The following C2orf42 variants were observed in gnomAD, a reference collection of about 807,000 sequenced individuals.
C2orf42 encodes the protein chromosome 2 open reading frame 42.
C2orf42 carries 44 observed loss-of-function variants against 58.9 expected under a neutral mutation model. The ratio of observed to expected loss-of-function variants is 0.75; its 90% CI spans 0.59 to 0.96. The LOEUF (loss-of-function observed/expected upper bound fraction) is 0.96. Ranked by LOEUF, C2orf42 falls within the 40% of genes least tolerant of loss-of-function variation. The pLI is 0.00. For synonymous variants in C2orf42, 239 were observed against 265.4 expected (o/e 0.90, Z 0.97); for missense variants, 630 against 699.2 (o/e 0.90, Z 1.12).
intron 5 of C2orf42, 129 bp from the exon 6 acceptor site, chr2:70,169,790 G>A (rs933216940): frequency 6.4e-5 from 36 of 558,306 alleles, no homozygotes; most frequent in Non-Finnish European, 8.7e-5. Context: ...ACAGAGGTTC[G>A]CCCTTGTTGC....
At chr2:70,173,632 T>C (rs1673985345) in intron 5 of C2orf42, among the ~76,000 whole-genome samples, 1 of 151,940 alleles carries the variant, frequency 6.6e-6, no homozygotes, top group African/African-American at 2.4e-5. Context: ...TATTCTTTTT[T>C]TTCTTTATTT....
At chr2:70,167,998 C>T (rs985868378) in intron 6 of C2orf42, among the ~76,000 whole-genome samples, 4 of 151,688 alleles carry the variant, frequency 2.6e-5, no homozygotes, top group South Asian at 2.1e-4. Context: ...TTTGGGAGGC[C>T]GAGGTAGGTG....
chr2:70,168,407 C>T (rs1315968198), intron 6 of C2orf42, among the ~76,000 whole-genome samples: 15 of 150,848 alleles, frequency 9.9e-5, no homozygotes, highest in Non-Finnish European at 2.2e-4. Flanking sequence ...CCTGCCTCAG[C>T]CTCCCGAGTA....
chr2:70,158,446 ATTTG>A (rs554294278), intron 9 of C2orf42, among the ~76,000 whole-genome samples: 1,617 of 112,246 alleles, frequency 0.014, 14 homozygotes, highest in Admixed American at 0.016. Flanking sequence ...TTATTTATTT[ATTTG>A]TTTGTTTGTT....
At chr2:70,174,979 C>A (rs1674089889) in intron 5 of C2orf42, among the ~76,000 whole-genome samples, 1 of 152,044 alleles carries the variant, frequency 6.6e-6, no homozygotes, top group African/African-American at 2.4e-5. Flanking sequence ...CCCCAACCCC[C>A]TCTTTAAATC....
intron 7 of C2orf42, 151 bp from the exon 8 acceptor site, chr2:70,165,343 GT>G: frequency 1.6e-6 from 1 of 641,964 alleles, no homozygotes; most frequent in Non-Finnish European, 2.7e-6. Context: ...TATATAAAAG[GT>G]TTTGGTGACA....
chr2:70,166,058 T>C (rs906651710), intron 6 of C2orf42, among the ~76,000 whole-genome samples: 2 of 151,638 alleles, frequency 1.3e-5, no homozygotes, highest in Non-Finnish European at 2.9e-5. Flanking sequence ...GCCTGGCTAA[T>C]TTTTGTATTT....
chr2:70,189,406 CAAAAAAAAAA>C (rs1182514916), intron 1 of C2orf42, among the ~76,000 whole-genome samples: 426 of 27,136 alleles, frequency 0.016, 7 homozygotes, highest in African/African-American at 0.038. Context: ...AACTCCATCT[CAAAAAAAAAA>C]AAAAAAAAAA....
At chr2:70,153,978 G>A (rs374462948) in intron 9 of C2orf42, among the ~76,000 whole-genome samples, 33 of 151,488 alleles carry the variant, frequency 2.2e-4, no homozygotes, top group African/African-American at 8.0e-4. Flanking sequence ...GCTTGAACCC[G>A]GGAGGTGGAG....
At position 70,170,679 on chromosome 2, in the gene C2orf42, G is replaced by A. The variant is rs576949775; in HGVS notation, c.1040-1018C>T. Among the ~76,000 whole-genome samples, 15 of 151,764 alleles carry A rather than the reference G, an allele frequency of 9.9e-5. No individual in the cohort carries two copies. The South Asian group carries it at 2.7e-3, about 27-fold the overall frequency. On this transcript the variant is annotated intron_variant, in intron 5 of 9. Coordinates refer to ENST00000264434, the MANE Select transcript of C2orf42 (RefSeq NM_017880.3). ...TGAGGTGGGAGAATTGCTTGAACCC[G>A]GGAGGCGGAGGTTGCAGTGAACTGA...
At chr2:70,174,177 G>A (rs1250175085) in intron 5 of C2orf42, among the ~76,000 whole-genome samples, 8 of 151,868 alleles carry the variant, frequency 5.3e-5, no homozygotes, top group South Asian at 2.1e-4. Flanking sequence ...GCATGGTGGC[G>A]TGCACCTGTA....
At chr2:70,165,969 C>T (rs13028387) in intron 6 of C2orf42, among the ~76,000 whole-genome samples, 32,762 of 151,672 alleles carry the variant, frequency 0.22, 3,812 homozygotes, top group Non-Finnish European at 0.24. Context: ...CGGCTCACTG[C>T]AACCTCTGCC....
chr2:70,170,818 T>C (rs1673758977), intron 5 of C2orf42, among the ~76,000 whole-genome samples: 2 of 150,508 alleles, frequency 1.3e-5, no homozygotes, highest in South Asian at 2.1e-4. Context: ...AATGGTCCTA[T>C]ATAATGACTG....
chr2:70,189,154 T>G (rs748943407), intron 1 of C2orf42, among the ~76,000 whole-genome samples: 7 of 151,876 alleles, frequency 4.6e-5, no homozygotes, highest in Non-Finnish European at 7.4e-5. Flanking sequence ...ACACCTGTAA[T>G]CCCAGCACTT....
chr2:70,180,906 G>A (rs1674513496), intron 3 of C2orf42, among the ~76,000 whole-genome samples: 1 of 149,918 alleles, frequency 6.7e-6, no homozygotes, highest in Non-Finnish European at 1.5e-5. Context: ...CGGGGACTGA[G>A]GTGGTAGGAT....
rs571854926 is a variant in C2orf42, at chr2:70,172,749, G to A, written c.1039+2924C>T. Reference sequence around the variant, plus strand: ...CTGAAGTACAGTATCACCTTTTGTAGAGATAATGCCTCAATGACTATTCAT... The same window carrying A: ...CTGAAGTACAGTATCACCTTTTGTAAAGATAATGCCTCAATGACTATTCAT... On this transcript the variant is annotated intron_variant, in intron 5 of 9. Coordinates refer to ENST00000264434, the MANE Select transcript of C2orf42 (RefSeq NM_017880.3). Among the ~76,000 whole-genome samples, 3 of 152,268 alleles carry A rather than the reference G, an allele frequency of 2.0e-5. No individual in the cohort carries two copies. The East Asian group carries it at 5.8e-4, about 29-fold the overall frequency.
intron 9 of C2orf42, among the ~76,000 whole-genome samples, chr2:70,152,762 C>T (rs1050486966): frequency 6.6e-6 from 1 of 152,104 alleles, no homozygotes; most frequent in African/African-American, 2.4e-5. Context: ...GGGCCAGGTG[C>T]AGTCGCTCAC....
intron 9 of C2orf42, among the ~76,000 whole-genome samples, chr2:70,151,879 T>C (rs778810280): frequency 2.0e-5 from 3 of 151,920 alleles, no homozygotes; most frequent in Admixed American, 6.6e-5. Context: ...ACCTCCTGGG[T>C]TCAGGTGATT....
In C2orf42 at chr2:70,150,555, G is replaced by T. The variant is rs1425296454; in HGVS notation, c.1526C>A (p.Ser509Tyr). 3 of 1,612,716 alleles carry T rather than the reference G, an allele frequency of 1.9e-6. No individual in the cohort carries two copies. The highest frequency in any genetic ancestry group is 1.7e-6 in the Non-Finnish European group (2 of 1,178,752). The change falls in exon 10 of 10, where the codon TCC (serine) becomes TAC (tyrosine). Residue 509 changes from serine to tyrosine, a missense_variant. Ser to Tyr is a moderately radical substitution (Grantham distance 144). Coordinates refer to ENST00000264434, the MANE Select transcript of C2orf42 (RefSeq NM_017880.3). ...AGGTGTTGGCTCCTTTTGATCTGGGGAAGTGTTGCCTAAAGAGAAGAAAGG... is the reference window on the plus strand; with the variant it reads ...AGGTGTTGGCTCCTTTTGATCTGGGTAAGTGTTGCCTAAAGAGAAGAAAGG... The part of the protein sequence containing the change: ...LKTFLKVGNT[S>Y]PDQKEPTPFI...
Sources: gnomAD v4.1 joint callset for allele counts (sites outside exome capture counted in the v4.1 genomes callset) on GRCh38, gnomAD v4.1.1 for gene constraint, MANE v1.5 for transcripts, NCBI Gene and HGNC (gene_info 2026-07-23, HGNC 2026-07-21) for gene names.